The following ITSN1 variants were observed in gnomAD, a reference collection of about 807,000 sequenced individuals.
The protein encoded by ITSN1 is intersectin-1.
A neutral mutation model predicts 239.8 loss-of-function variants in ITSN1; 58 were observed. The observed-to-expected ratio is 0.24, with a 90% CI of 0.20 to 0.30. The LOEUF (loss-of-function observed/expected upper bound fraction) is 0.30. Ranked by LOEUF, ITSN1 falls within the 10% of genes least tolerant of loss-of-function variation. The pLI, the probability that ITSN1 is intolerant of heterozygous loss-of-function variation, is 1.00. For synonymous variants in ITSN1, 780 were observed against 770.8 expected (o/e 1.01, Z -0.20); for missense variants, 1,558 against 2,103.3 (o/e 0.74, Z 5.07).
chr21:33,829,270 C>A (rs574267379), intron 26 of ITSN1: 2 of 341,732 alleles, frequency 5.9e-6, no homozygotes, highest in Non-Finnish European at 1.1e-5. Context: ...AATGAGGCCC[C>A]ACCCTTGGCC....
chr21:33,819,710 C>A (rs1399536993), intron 24 of ITSN1, among the ~76,000 whole-genome samples: 1 of 152,180 alleles, frequency 6.6e-6, no homozygotes, highest in Non-Finnish European at 1.5e-5. Context: ...AGGCCGGGCG[C>A]GGTGGCTCAC....
At chr21:33,740,318 A>G (rs1012053710) in intron 5 of ITSN1, among the ~76,000 whole-genome samples, 5 of 152,194 alleles carry the variant, frequency 3.3e-5, no homozygotes, top group Admixed American at 3.3e-4. Context: ...AAGCTTAGCT[A>G]TAAGGAGTAC....
At chr21:33,879,633 G>C (rs1254804668) in intron 34 of ITSN1, among the ~76,000 whole-genome samples, 1 of 152,228 alleles carries the variant, frequency 6.6e-6, no homozygotes, top group Non-Finnish European at 1.5e-5. Context: ...GCCATCAGAG[G>C]GACACAGTGA....
At chr21:33,850,455 GCAACTCCGAGGTCT>G (rs1712477266) in intron 29 of ITSN1, among the ~76,000 whole-genome samples, 1 of 152,162 alleles carries the variant, frequency 6.6e-6, no homozygotes, top group African/African-American at 2.4e-5. Context: ...TTGAGGATTT[GCAACTCCGAGGTCT>G]CAAGGACTGA....
At chr21:33,866,806 T>G (rs933386433) in intron 32 of ITSN1, among the ~76,000 whole-genome samples, 2 of 152,126 alleles carry the variant, frequency 1.3e-5, no homozygotes, top group African/African-American at 4.8e-5. Context: ...AACTAGACAA[T>G]GAGATTTAGC....
At chr21:33,717,722 A>T (rs1443042860) in intron 1 of ITSN1, among the ~76,000 whole-genome samples, 1 of 137,560 alleles carries the variant, frequency 7.3e-6, no homozygotes, top group Non-Finnish European at 1.6e-5. Context: ...CGCCCAGCTA[A>T]TTTTTTTTGT....
chr21:33,744,100 G>C (rs547103046), intron 5 of ITSN1, among the ~76,000 whole-genome samples: 1 of 150,644 alleles, frequency 6.6e-6, no homozygotes, highest in African/African-American at 2.5e-5. Flanking sequence ...CTGAGGAGGA[G>C]AGAGTATCGG....
chr21:33,856,342 C>T (rs1045213552), intron 29 of ITSN1, among the ~76,000 whole-genome samples: 4 of 151,948 alleles, frequency 2.6e-5, no homozygotes, highest in Non-Finnish European at 2.9e-5. Context: ...TCCTGGAGGC[C>T]GGAAGTCTAA....
chr21:33,672,798 G>A (rs1806503651), intron 1 of ITSN1, among the ~76,000 whole-genome samples: 1 of 151,198 alleles, frequency 6.6e-6, no homozygotes, highest in Admixed American at 6.6e-5. Flanking sequence ...TGCAACCTCC[G>A]CCTCCCGGGT....
chr21:33,882,202 A>C lies in ITSN1; in HGVS notation c.4342-41A>C. On this transcript the variant is annotated intron_variant, in intron 34 of 39. Coordinates refer to ENST00000381318, the MANE Select transcript of ITSN1 (RefSeq NM_003024.3). The surrounding 1 kb of genome is among the most constrained non-coding windows in gnomAD (Gnocchi z 4.5). ...GAGCCCATGCTTTCAGATGCGGAGA[A>C]ACAAAAATGCTACACTTTGGGTTTT... is the stretch of plus-strand genomic sequence containing the variant. 5.1e-6 allele frequency: 8 copies of C among 1,581,846 alleles called. No homozygotes were observed. In the South Asian group the frequency reaches 7.9e-5, roughly 16 times the overall value.
At chr21:33,747,198 AT>A (rs2067235310) in intron 5 of ITSN1, among the ~76,000 whole-genome samples, 2 of 152,192 alleles carry the variant, frequency 1.3e-5, no homozygotes, top group African/African-American at 4.8e-5. Context: ...AAAATGAAAA[AT>A]TTACCACAGG....
rs1347918502 is a variant in ITSN1 at position 33,868,499 on chromosome 21, C to T, written c.4173+1168C>T. 8.5e-5 allele frequency among the ~76,000 whole-genome samples: 13 copies of T among 152,362 alleles called. No homozygotes were observed. In the East Asian group the frequency reaches 2.5e-3, roughly 29 times the overall value. ...CTAAGGCCCGCTGAGAAATCGAGCGCAGCGCCGGTGGGCTGGCACTGCTGG... is the reference window on the plus strand; with the variant it reads ...CTAAGGCCCGCTGAGAAATCGAGCGTAGCGCCGGTGGGCTGGCACTGCTGG... On this transcript the variant is annotated intron_variant, in intron 33 of 39. Transcript: ENST00000381318.
In ITSN1 at chr21:33,885,433, T is replaced by C. The variant is rs149206851; in HGVS notation, c.4760-6T>C. Reference sequence around the variant, plus strand: ...GAAGCATTTTGTGTTTTTCCTGCCGTCATAGTCCGTTCCCAAAGGGCAACA... The same window carrying C: ...GAAGCATTTTGTGTTTTTCCTGCCGCCATAGTCCGTTCCCAAAGGGCAACA... On this transcript the variant is annotated splice_polypyrimidine_tract_variant and splice_region_variant and intron_variant, in intron 37 of 39. Coordinates refer to ENST00000381318, the MANE Select transcript of ITSN1 (RefSeq NM_003024.3). The C allele has an allele frequency of 5.0e-6, 8 of 1,613,820 alleles. No individual in the cohort carries two copies. In the East Asian group the frequency reaches 1.6e-4, roughly 31 times the overall value.
intron 39 of ITSN1, among the ~76,000 whole-genome samples, chr21:33,886,921 G>C (rs1263126872): frequency 6.6e-6 from 1 of 152,182 alleles, no homozygotes; most frequent in Non-Finnish European, 1.5e-5. Context: ...CAGTCATGTT[G>C]AATGAATCAT....
chr21:33,874,347 G>A (rs1458564506), intron 33 of ITSN1, among the ~76,000 whole-genome samples: 1 of 151,984 alleles, frequency 6.6e-6, no homozygotes, highest in East Asian at 1.9e-4. Flanking sequence ...TTCCAGAGGC[G>A]CGTGGACCCA....
At chr21:33,752,769 G>A (rs903588253) in intron 7 of ITSN1, among the ~76,000 whole-genome samples, 1 of 151,268 alleles carries the variant, frequency 6.6e-6, no homozygotes, top group Non-Finnish European at 1.5e-5. Flanking sequence ...CAGGGAGATC[G>A]AGGCTGCAGT....
intron 10 of ITSN1, 130 bp downstream of exon 10, chr21:33,766,142 A>ACT: frequency 1.1e-6 from 1 of 913,646 alleles, no homozygotes; most frequent in Non-Finnish European, 1.7e-6. Context: ...AATTCTAGAG[A>ACT]CTCTCATCTA....
intron 20 of ITSN1, among the ~76,000 whole-genome samples, chr21:33,804,825 C>G (rs144200632): frequency 0.015 from 2,245 of 152,204 alleles, 49 homozygotes; most frequent in African/African-American, 0.052. Context: ...ACATAAAATA[C>G]ACTAACACTA....
Position 33,882,487 on chromosome 21 carries a change from G to T in ITSN1, c.4554+32G>T, listed in dbSNP as rs777065884. 16 of 1,586,734 alleles carry T rather than the reference G, an allele frequency of 1.0e-5. No individual in the cohort carries two copies. The highest frequency in any genetic ancestry group is 1.4e-5 in the Non-Finnish European group (16 of 1,157,722). On this transcript the variant is annotated intron_variant, in intron 35 of 39. Transcript: ENST00000381318. This position sits in a 1 kb window ranked among gnomAD's most constrained non-coding sequence, Gnocchi z 4.5. ...TGGATTCTAGATTTTGCATTATCAG[G>T]GTTGACGTGTTTGGGGAGGAAGAAG...
Sources: allele counts gnomAD v4.1 joint callset (sites outside exome capture counted in the v4.1 genomes callset), GRCh38; gene constraint gnomAD v4.1.1; non-coding constraint Gnocchi (gnomAD v3.1); transcripts MANE v1.5; gene names NCBI Gene and HGNC (gene_info 2026-07-23, HGNC 2026-07-21).